Variants in TMOD1 observed in about 807,000 individuals in gnomAD.
TMOD1 encodes the protein tropomodulin-1.
TMOD1 carries 17 observed loss-of-function variants against 40.6 expected under a neutral mutation model. The observed-to-expected ratio is 0.42, with a 90% CI of 0.29 to 0.63. TMOD1 has a LOEUF of 0.63. Ranked by LOEUF, TMOD1 falls within the 20% of genes least tolerant of loss-of-function variation. The pLI, the probability that TMOD1 is intolerant of heterozygous loss-of-function variation, is 0.22. For missense variants in TMOD1, 391 were observed against 447.6 expected, an observed-to-expected ratio of 0.87 and a Z score of 1.14; for synonymous variants, 181 against 175.0, an observed-to-expected ratio of 1.03 and a Z score of -0.27.
In TMOD1 at chr9:97,591,299, C is replaced by T. The variant is rs1467866206; in HGVS notation, c.879C>T (p.Pro293=). The part of the protein sequence containing the change: ...VEMKIDNQSQ[P]LGNKVEMEIV... ...TTTTTTCTTGACTAAAGAGCCAGCC[C>T]CTGGGCAACAAAGTGGAAATGGAGA... is the stretch of plus-strand genomic sequence containing the variant. Residue 293 remains proline (P), a synonymous_variant, in exon 9 of 10, where the codon CCC becomes CCT. Transcript: ENST00000259365. 2.5e-6 allele frequency: 4 copies of T among 1,613,482 alleles called. No individual in the cohort carries two copies. Among genetic ancestry groups the T allele is most frequent in the Non-Finnish European group, 3.4e-6 (4 of 1,179,844 alleles).
intron 1 of TMOD1, among the ~76,000 whole-genome samples, chr9:97,505,685 T>C (rs1012533890): frequency 3.3e-5 from 5 of 152,184 alleles, no homozygotes; most frequent in Non-Finnish European, 7.3e-5. Context: ...CAAGCTGGAC[T>C]GTGCTCCTCA....
intron 8 of TMOD1, among the ~76,000 whole-genome samples, chr9:97,580,501 G>T (rs1335839999): frequency 6.6e-6 from 1 of 152,130 alleles, no homozygotes; most frequent in Non-Finnish European, 1.5e-5. Context: ...AGCTACTTGG[G>T]AGGCTGAGTC....
At chr9:97,594,118 C>T (rs1048077271) in intron 9 of TMOD1, among the ~76,000 whole-genome samples, 1 of 152,062 alleles carries the variant, frequency 6.6e-6, no homozygotes, top group Non-Finnish European at 1.5e-5. Flanking sequence ...GTTTCCTGGA[C>T]GGTGATGCCA....
At position 97,562,760 on chromosome 9, in the gene TMOD1, T is replaced by C. The variant is rs765031579; in HGVS notation, c.426T>C (p.Ser142=). 1 of 1,575,860 alleles carries C rather than the reference T, an allele frequency of 6.3e-7. No individual in the cohort carries two copies. Among genetic ancestry groups the C allele is most frequent in the Non-Finnish European group, 8.6e-7 (1 of 1,165,224 alleles). ...AAILGMHTLM[S]NQQYYQALSS... ...TCCTGGGCATGCACACGCTCATGAG[T>C]AACCAGCAGTACTACCAGGCCCTGA... The change falls in exon 5 of 10, where the codon AGT becomes AGC. Residue 142 remains serine (S), a synonymous_variant. Coordinates refer to ENST00000259365, the MANE Select transcript of TMOD1 (RefSeq NM_003275.4).
At chr9:97,530,018 G>T (rs1182749827) in intron 2 of TMOD1, among the ~76,000 whole-genome samples, 1 of 152,184 alleles carries the variant, frequency 6.6e-6, no homozygotes, top group Non-Finnish European at 1.5e-5. Context: ...GCGGTGCTGG[G>T]ATTCCAACCT....
chr9:97,559,891 C>T (rs1027238190), intron 4 of TMOD1, among the ~76,000 whole-genome samples: 3 of 139,116 alleles, frequency 2.2e-5, no homozygotes, highest in Non-Finnish European at 4.5e-5. Flanking sequence ...TGGAGAGAGG[C>T]ACTGATATGG....
intron 4 of TMOD1, among the ~76,000 whole-genome samples, chr9:97,554,757 C>T (rs1317194696): frequency 2.0e-5 from 3 of 152,078 alleles, no homozygotes; most frequent in Non-Finnish European, 4.4e-5. Context: ...GCACCAGCAC[C>T]AGCACCAGGG....
chr9:97,549,849 T>A (rs1830420601), intron 3 of TMOD1, among the ~76,000 whole-genome samples: 1 of 152,050 alleles, frequency 6.6e-6, no homozygotes, highest in African/African-American at 2.4e-5. Context: ...CCACCCGCCC[T>A]CCCTTCAGCT....
At chr9:97,538,086 C>T (rs527377665) in intron 2 of TMOD1, among the ~76,000 whole-genome samples, 13 of 152,310 alleles carry the variant, frequency 8.5e-5, no homozygotes, top group South Asian at 8.3e-4. Context: ...CAACAGTCCG[C>T]TGGAGCTGGG....
intron 4 of TMOD1, among the ~76,000 whole-genome samples, chr9:97,560,829 C>T (rs1039398487): frequency 6.6e-6 from 1 of 151,896 alleles, no homozygotes; most frequent in African/African-American, 2.4e-5. Context: ...CGCCACTGCA[C>T]TCCAGCCTGG....
chr9:97,537,273 C>T lies in TMOD1; in HGVS notation c.121-8912C>T, dbSNP rs190412255. Reference sequence around the variant, plus strand: ...GCATGTGTGCGTGCATGCATGTGCACGTGTGTGCATGTCTGCACATGTGTG... The same window carrying T: ...GCATGTGTGCGTGCATGCATGTGCATGTGTGTGCATGTCTGCACATGTGTG... On this transcript the variant is annotated intron_variant, in intron 2 of 9. Transcript: ENST00000259365. 1.6e-3 allele frequency among the ~76,000 whole-genome samples: 242 copies of T among 152,244 alleles called. 1 individual carries two copies. The highest frequency in any genetic ancestry group is 5.3e-3 in the African/African-American group (219 of 41,538).
chr9:97,508,088 C>CAG (rs980539676), intron 1 of TMOD1, among the ~76,000 whole-genome samples: 1 of 151,258 alleles, frequency 6.6e-6, no homozygotes, highest in African/African-American at 2.5e-5. Flanking sequence ...CACACACACA[C>CAG]ACACACACAC....
intron 8 of TMOD1, among the ~76,000 whole-genome samples, chr9:97,575,604 C>A (rs1478147103): frequency 6.6e-6 from 1 of 152,172 alleles, no homozygotes; most frequent in African/African-American, 2.4e-5. Context: ...AATTCCCAGG[C>A]CTCCTTTCTG....
At chr9:97,597,599 G>A (rs964726694) in intron 9 of TMOD1, among the ~76,000 whole-genome samples, 1 of 149,896 alleles carries the variant, frequency 6.7e-6, no homozygotes, top group African/African-American at 2.5e-5. Flanking sequence ...TTGGGAGGCT[G>A]AGGCAGGACA....
At chr9:97,531,037 A>ACCCCCCC (rs1285892432) in intron 2 of TMOD1, among the ~76,000 whole-genome samples, 2 of 92,310 alleles carry the variant, frequency 2.2e-5, no homozygotes, top group African/African-American at 9.1e-5. Flanking sequence ...ATCCACACCC[A>ACCCCCCC]CCCCCCCCAC....
At chr9:97,544,603 C>T (rs987372577) in intron 2 of TMOD1, among the ~76,000 whole-genome samples, 1 of 152,082 alleles carries the variant, frequency 6.6e-6, no homozygotes, top group Non-Finnish European at 1.5e-5. Context: ...AGCTGTATCC[C>T]TCTATGTGCC....
intron 1 of TMOD1, among the ~76,000 whole-genome samples, chr9:97,518,556 T>C (rs549594070): frequency 6.6e-6 from 1 of 152,264 alleles, no homozygotes; most frequent in Non-Finnish European, 1.5e-5. Context: ...GTTTTTTCTT[T>C]GTCTTGGGCC....
Position 97,600,559 on chromosome 9 carries a change from G to GT in TMOD1, c.*862dup. The GT allele has an allele frequency of 1.0e-6, 1 of 985,930 alleles. No individual in the cohort carries two copies. The highest frequency in any genetic ancestry group is 1.2e-6 in the Non-Finnish European group (1 of 830,328). 61.1% of individuals were successfully genotyped at this position (985,930 alleles called of 1,614,324 possible). On this transcript the variant is annotated 3_prime_UTR_variant, in exon 10 of 10. Coordinates refer to ENST00000259365, the MANE Select transcript of TMOD1 (RefSeq NM_003275.4). ...ACAGTGGGCAAATGGCTTATGTGAGGTAAGACACTAGAGGGATAAATTTCC... is the reference window on the plus strand; with the variant it reads ...ACAGTGGGCAAATGGCTTATGTGAGGTTAAGACACTAGAGGGATAAATTTCC...
At chr9:97,556,787 C>G (rs976349414) in intron 4 of TMOD1, among the ~76,000 whole-genome samples, 2 of 152,052 alleles carry the variant, frequency 1.3e-5, no homozygotes. Flanking sequence ...TGGGGGAGAC[C>G]AGGGAAGAGC....
Sources: allele counts gnomAD v4.1 joint callset (sites outside exome capture counted in the v4.1 genomes callset), GRCh38; gene constraint gnomAD v4.1.1; transcripts MANE v1.5; gene names NCBI Gene and HGNC (gene_info 2026-07-23, HGNC 2026-07-21).